CDC14A: variants seen among roughly 807,000 people sequenced by gnomAD.
CDC14A encodes the protein dual specificity protein phosphatase CDC14A.
A neutral mutation model predicts 74.4 loss-of-function variants in CDC14A; 53 were observed. The observed-to-expected ratio is 0.71, with a 90% CI of 0.57 to 0.89. The LOEUF (loss-of-function observed/expected upper bound fraction) is 0.89, where lower values mean the gene tolerates loss of function less well. CDC14A is among the 40% of genes least tolerant of loss of function. The pLI is 0.00. For synonymous variants in CDC14A, 247 were observed against 258.4 expected (o/e 0.96, Z 0.43); for missense variants, 646 against 713.7 (o/e 0.91, Z 1.08).
At chr1:100,419,984 G>A (rs1046436231) in intron 4 of CDC14A, among the ~76,000 whole-genome samples, 1 of 129,950 alleles carries the variant, frequency 7.7e-6, no homozygotes, top group African/African-American at 2.6e-5. Flanking sequence ...TAGGGGCACA[G>A]ATTTCACTTT....
intron 13 of CDC14A, among the ~76,000 whole-genome samples, chr1:100,496,301 C>T (rs1389420506): frequency 2.6e-5 from 4 of 151,558 alleles, no homozygotes; most frequent in Admixed American, 2.0e-4. Flanking sequence ...GTGCTCTTAG[C>T]ACATTGTGGA....
At chr1:100,446,435 C>A (rs1665549572) in intron 7 of CDC14A, among the ~76,000 whole-genome samples, 1 of 152,120 alleles carries the variant, frequency 6.6e-6, no homozygotes, top group African/African-American at 2.4e-5. Flanking sequence ...AAACCTCTGC[C>A]CATCCTGCAA....
chr1:100,461,665 A>C (rs910140283), intron 8 of CDC14A, among the ~76,000 whole-genome samples: 2 of 149,416 alleles, frequency 1.3e-5, no homozygotes, highest in Non-Finnish European at 2.9e-5. Flanking sequence ...CTAGGTCTGT[A>C]ACCCAGCTGA....
chr1:100,493,907 A>G (rs1217072183), intron 11 of CDC14A, among the ~76,000 whole-genome samples: 1 of 152,226 alleles, frequency 6.6e-6, no homozygotes, highest in African/African-American at 2.4e-5. Flanking sequence ...TCATCAAACA[A>G]GAGTTCTAGT....
intron 4 of CDC14A, among the ~76,000 whole-genome samples, chr1:100,417,349 T>C (rs1661669679): frequency 6.6e-6 from 1 of 152,220 alleles, no homozygotes; most frequent in South Asian, 2.1e-4. Flanking sequence ...TTTCAGACTA[T>C]CTCTGTGCCC....
rs1034475144 is a variant in CDC14A, at chr1:100,520,207, A to G, written c.*1927A>G. Reference sequence around the variant, plus strand: ...TGTTATGAATAGTTTATCTTCCAAAAGATATTTTGCTCTATTTTAAAGTGT... The same window carrying G: ...TGTTATGAATAGTTTATCTTCCAAAGGATATTTTGCTCTATTTTAAAGTGT... On this transcript the variant is annotated 3_prime_UTR_variant, in exon 16 of 16. Coordinates refer to ENST00000336454, the MANE Select transcript of CDC14A (RefSeq NM_003672.4). 2 of 152,582 alleles carry G rather than the reference A, an allele frequency of 1.3e-5. No homozygotes were observed. The highest frequency in any genetic ancestry group is 1.5e-5 in the Non-Finnish European group (1 of 67,982). The allele number at this position is 152,582 out of a possible 1,614,324, so 9.5% of individuals were successfully genotyped here.
chr1:100,448,257 A>G (rs1665767783), intron 7 of CDC14A, among the ~76,000 whole-genome samples: 1 of 152,136 alleles, frequency 6.6e-6, no homozygotes, highest in Non-Finnish European at 1.5e-5. Context: ...TTTTTCTTTG[A>G]GCTATTTTCT....
chr1:100,370,769 C>T (rs1349538458), intron 2 of CDC14A, among the ~76,000 whole-genome samples: 10 of 151,926 alleles, frequency 6.6e-5, no homozygotes, highest in Admixed American at 6.6e-4. Flanking sequence ...GTTCTTTTTG[C>T]TTATTGCTTT....
intron 4 of CDC14A, among the ~76,000 whole-genome samples, chr1:100,406,288 C>T (rs1412906035): frequency 1.3e-5 from 2 of 152,134 alleles, no homozygotes; most frequent in Admixed American, 6.6e-5. Context: ...AGACCTTTGT[C>T]AGATAGATAG....
intron 2 of CDC14A, among the ~76,000 whole-genome samples, chr1:100,356,897 A>G (rs1241278591): frequency 2.6e-5 from 4 of 151,794 alleles, no homozygotes; most frequent in Non-Finnish European, 5.9e-5. Context: ...AGGGGAAAGA[A>G]ACAAGTACCT....
In CDC14A at chr1:100,498,945, C is replaced by T. The variant is rs781410426; in HGVS notation, c.1438C>T (p.Arg480Trp). 30 of 1,611,748 alleles carry T rather than the reference C, an allele frequency of 1.9e-5. No homozygotes were observed. The highest frequency in any genetic ancestry group is 8.0e-5 in the African/African-American group (6 of 74,734). ...ATVRSFSINS[R>W]LASSLGNLNA... is the part of the protein sequence containing the mutation. ...TCCATTCAGCTTTTCCATAAACTCC[C>T]GGCTAGCCAGTTCTCTAGGGAACTT... Residue 480 changes from arginine to tryptophan, a missense_variant, in exon 15 of 16, where the codon CGG becomes TGG. Transcript: ENST00000336454.
chr1:100,376,036 A>T (rs1655198974), intron 2 of CDC14A, among the ~76,000 whole-genome samples: 1 of 152,148 alleles, frequency 6.6e-6, no homozygotes, highest in Non-Finnish European at 1.5e-5. Flanking sequence ...TTCTGAGCAA[A>T]CTATCACAAG....
At position 100,420,063 on chromosome 1, in the gene CDC14A, C is replaced by CATATATATATATATATATATATAT. The variant is rs1553180578; in HGVS notation, c.310-4140_310-4139insTATATATATATATATATATATATA. Among the ~76,000 whole-genome samples the CATATATATATATATATATATATAT allele has an allele frequency of 3.0e-3, 182 of 61,514 alleles. 3 individuals are homozygous for CATATATATATATATATATATATAT. The highest frequency in any genetic ancestry group is 6.7e-3 in the Admixed American group (29 of 4,358). The allele number at this position is 61,514 out of a possible 152,430, so 40.4% of individuals were successfully genotyped here. A position where few individuals can be genotyped will look rare whatever the true frequency, so the allele number is the denominator to read the frequency against. On this transcript the variant is annotated intron_variant, in intron 4 of 15. Coordinates refer to ENST00000336454, the MANE Select transcript of CDC14A (RefSeq NM_003672.4). ...ACACACACACACACACACACACACA[C>CATATATATATATATATATATATAT]ATATATATATATATATATAGTGTGT...
intron 11 of CDC14A, among the ~76,000 whole-genome samples, chr1:100,490,066 C>T (rs185229078): frequency 2.9e-4 from 44 of 152,338 alleles, no homozygotes; most frequent in African/African-American, 9.4e-4. Flanking sequence ...TCTTCAAACA[C>T]TCCCCTGGCT....
At position 100,499,040 on chromosome 1, in the gene CDC14A, C is replaced by G. The variant is rs749753871; in HGVS notation, c.1533C>G (p.Ser511Arg). The G allele has an allele frequency of 2.5e-6, 4 of 1,614,038 alleles. No individual in the cohort carries two copies. In the African/African-American group the frequency reaches 5.3e-5, roughly 22 times the overall value. The change falls in exon 15 of 16, where the codon AGC becomes AGG. Residue 511 changes from serine to arginine, a missense_variant. Transcript: ENST00000336454. ...CCTCTAAGGCAGGCTTCACAGCCAGCCCGTTTACCAACCTCTTGAATGGCA... is the reference window on the plus strand; with the variant it reads ...CCTCTAAGGCAGGCTTCACAGCCAGGCCGTTTACCAACCTCTTGAATGGCA... ...SSSSKAGFTA[S>R]PFTNLLNGSS...
At chr1:100,436,627 G>A (rs779540378) in intron 5 of CDC14A, among the ~76,000 whole-genome samples, 20 of 152,074 alleles carry the variant, frequency 1.3e-4, no homozygotes, top group Non-Finnish European at 2.4e-4. Context: ...GTTTCACTAT[G>A]TTGGACCAGG....
intron 11 of CDC14A, 33 bp from the exon 12 acceptor site, chr1:100,494,785 T>G: frequency 3.9e-6 from 5 of 1,282,438 alleles, no homozygotes; most frequent in Non-Finnish European, 5.7e-6. Context: ...AGCCAAATTT[T>G]GACCTTTCTA....
chr1:100,505,703 T>A (rs1040032520), intron 15 of CDC14A, among the ~76,000 whole-genome samples: 5 of 152,208 alleles, frequency 3.3e-5, no homozygotes, highest in Non-Finnish European at 7.3e-5. Flanking sequence ...GTTCTCCATT[T>A]TAAAAATTGG....
upstream of CDC14A, chr1:100,351,860 CT>C: frequency 1.4e-6 from 2 of 1,450,518 alleles, no homozygotes; most frequent in Non-Finnish European, 9.4e-7. Flanking sequence ...GCTGGTGCTT[CT>C]TTTTCAATTG....
Sources: gnomAD v4.1 joint callset for allele counts (sites outside exome capture counted in the v4.1 genomes callset) on GRCh38, gnomAD v4.1.1 for gene constraint, MANE v1.5 for transcripts, NCBI Gene and HGNC (gene_info 2026-07-23, HGNC 2026-07-21) for gene names.